SEMA3D: variants seen among roughly 807,000 people sequenced by gnomAD.
The protein encoded by SEMA3D is semaphorin 3D.
A neutral mutation model predicts 100.1 loss-of-function variants in SEMA3D; 84 were observed. The ratio of observed to expected loss-of-function variants is 0.84; its 90% CI spans 0.70 to 1.01. The LOEUF (loss-of-function observed/expected upper bound fraction) is 1.01, where lower values mean the gene tolerates loss of function less well. Ranked by LOEUF, SEMA3D falls within the 50% of genes least tolerant of loss-of-function variation. SEMA3D has a pLI of 0.00. For missense variants in SEMA3D, 875 were observed against 934.1 expected (o/e 0.94, Z 0.82); for synonymous variants, 312 against 320.7 (o/e 0.97, Z 0.29).
Position 84,999,518 on chromosome 7 carries a change from G to T in SEMA3D, c.2256C>A (p.His752Gln). The T allele has an allele frequency of 1.2e-6, 2 of 1,614,054 alleles. No homozygotes were observed. The highest frequency in any genetic ancestry group is 1.7e-6 in the Non-Finnish European group (2 of 1,180,018). ...TTCGTTTCTTCTTCATTTCCTGCATGTGCTTCCACTTTGGGCCCCCCTTGT... is the reference window on the plus strand; with the variant it reads ...TTCGTTTCTTCTTCATTTCCTGCATTTGCTTCCACTTTGGGCCCCCCTTGT... The part of the protein sequence containing the change: ...QRNKGGPKWK[H>Q]MQEMKKKRNR... The change falls in exon 19 of 19, where the codon CAC becomes CAA. Residue 752 changes from histidine to glutamine, a missense_variant. By Grantham distance (24) the His-to-Gln change is conservative. Transcript: ENST00000284136.
upstream of SEMA3D, among the ~76,000 whole-genome samples, chr7:85,187,069 C>T (rs1280826952): frequency 1.3e-5 from 2 of 152,116 alleles, no homozygotes; most frequent in African/African-American, 2.4e-5. Context: ...AAAGAGGATG[C>T]TGAAAACGCC....
chr7:85,235,835 A>C, the SEMA3D span, among the ~76,000 whole-genome samples: 1 of 152,182 alleles, frequency 6.6e-6, no homozygotes, highest in Non-Finnish European at 1.5e-5. Context: ...GAGTGAAGCC[A>C]GTCTTAGGAG....
intron 2 of SEMA3D, chr7:85,142,978 C>T: frequency 2.0e-6 from 2 of 984,308 alleles, no homozygotes; most frequent in Non-Finnish European, 2.4e-6. Context: ...GCAATTCTAC[C>T]TTAGACAACT....
intron 6 of SEMA3D, 48 bp downstream of exon 6, chr7:85,072,914 T>A (rs1450886194): frequency 6.9e-7 from 1 of 1,446,438 alleles, no homozygotes; most frequent in African/African-American, 1.4e-5. Flanking sequence ...AATTAAGTAG[T>A]AATGTATTAC....
chr7:85,137,182 G>T (rs1789891660), intron 2 of SEMA3D, among the ~76,000 whole-genome samples: 1 of 151,686 alleles, frequency 6.6e-6, no homozygotes, highest in Non-Finnish European at 1.5e-5. Flanking sequence ...TCTGATTTCA[G>T]ATATTATAAT....
At position 85,159,975 on chromosome 7, in the gene SEMA3D, C is replaced by A. The variant is rs1790701490; in HGVS notation, c.-172-6236G>T. On this transcript the variant is annotated intron_variant, in intron 1 of 18. Coordinates refer to ENST00000284136, the MANE Select transcript of SEMA3D (RefSeq NM_001384900.1). ...AGCCATAAGTTCTACGGTAACTACT[C>A]CAGAGGTATCATATCTACCACATCT... 4.1e-6 allele frequency: 4 copies of A among 984,098 alleles called. No homozygotes were observed. The South Asian group carries it at 1.4e-4, about 35-fold the overall frequency. 61.0% of individuals were successfully genotyped at this position (984,098 alleles called of 1,614,324 possible). A position where few individuals can be genotyped will look rare whatever the true frequency, so the allele number is the denominator to read the frequency against.
intron 18 of SEMA3D, among the ~76,000 whole-genome samples, chr7:85,003,165 T>G (rs1452523005): frequency 6.6e-6 from 1 of 152,040 alleles, no homozygotes; most frequent in East Asian, 1.9e-4. Context: ...GAAAGGAAAA[T>G]GAACTGGAAT....
At chr7:85,241,467 GTATATATA>G in the SEMA3D span, among the ~76,000 whole-genome samples, 9 of 91,978 alleles carry the variant, frequency 9.8e-5, 1 homozygote, top group East Asian at 3.2e-3. Flanking sequence ...CTGTGTGTGT[GTATATATA>G]TATATATATA....
rs764190450 is a variant in SEMA3D at position 85,022,618 on chromosome 7, A to C, written c.1192-5T>G. 2 of 1,591,842 alleles carry C rather than the reference A, an allele frequency of 1.3e-6. No homozygotes were observed. Among genetic ancestry groups the C allele is most frequent in the Non-Finnish European group, 1.7e-6 (2 of 1,160,260 alleles). On this transcript the variant is annotated splice_region_variant and splice_polypyrimidine_tract_variant and intron_variant, in intron 12 of 18. Transcript: ENST00000284136. Reference sequence around the variant, plus strand: ...GTCATAGGTTTTGCTTGGACACTGAAAATAAATGTGGAGGAAAGTAAAGAC... The same window carrying C: ...GTCATAGGTTTTGCTTGGACACTGACAATAAATGTGGAGGAAAGTAAAGAC...
At chr7:85,029,523 G>T in intron 12 of SEMA3D, 1 of 604,308 alleles carries the variant, frequency 1.7e-6, no homozygotes, top group African/African-American at 1.8e-5. Context: ...CTGCAGAGAA[G>T]GAAGAATTTG....
At chr7:85,244,713 T>G in the SEMA3D span, among the ~76,000 whole-genome samples, 1 of 146,006 alleles carries the variant, frequency 6.8e-6, no homozygotes, top group Non-Finnish European at 1.5e-5. Flanking sequence ...ACAATCTTTT[T>G]TTTTTTTTTT....
rs574354848 is a variant in SEMA3D at position 85,161,090 on chromosome 7, A to G, written c.-172-7351T>C. ...TGACCATGATTCTGGAAGACAACAC[A>G]ATCAACATAAAATAAGGAAATATCA... On this transcript the variant is annotated intron_variant, in intron 1 of 18. Coordinates refer to ENST00000284136, the MANE Select transcript of SEMA3D (RefSeq NM_001384900.1). Among the ~76,000 whole-genome samples the G allele has an allele frequency of 2.3e-4, 35 of 152,304 alleles. 1 individual carries two copies. The highest frequency in any genetic ancestry group is 8.2e-4 in the African/African-American group (34 of 41,568).
At chr7:85,169,675 G>A (rs925363798) in intron 1 of SEMA3D, among the ~76,000 whole-genome samples, 1 of 151,760 alleles carries the variant, frequency 6.6e-6, no homozygotes, top group Non-Finnish European at 1.5e-5. Flanking sequence ...AAGAAGAGCT[G>A]TGGTATCTGT....
At chr7:85,102,001 G>C (rs1788760454) in intron 3 of SEMA3D, among the ~76,000 whole-genome samples, 1 of 151,888 alleles carries the variant, frequency 6.6e-6, no homozygotes, top group Non-Finnish European at 1.5e-5. Flanking sequence ...TGTGTATTAA[G>C]TGTTGAGTAT....
chr7:85,224,205 C>T, the SEMA3D span, among the ~76,000 whole-genome samples: 103 of 152,174 alleles, frequency 6.8e-4, no homozygotes, highest in African/African-American at 2.3e-3. Context: ...TATAAAATTG[C>T]CGAATATTAG....
chr7:85,181,470 T>G (rs2116577384), intron 1 of SEMA3D, among the ~76,000 whole-genome samples: 1 of 152,246 alleles, frequency 6.6e-6, no homozygotes, highest in Admixed American at 6.5e-5. Context: ...AATTAAGTAG[T>G]ATTGATTATA....
At chr7:85,124,949 T>C (rs540540409) in intron 2 of SEMA3D, among the ~76,000 whole-genome samples, 2 of 152,258 alleles carry the variant, frequency 1.3e-5, no homozygotes, top group South Asian at 4.1e-4. Flanking sequence ...GCTTCTCCAA[T>C]CGCATTATCC....
upstream of SEMA3D, among the ~76,000 whole-genome samples, chr7:85,190,199 T>C (rs780413234): frequency 6.6e-6 from 1 of 152,110 alleles, no homozygotes; most frequent in Non-Finnish European, 1.5e-5. Context: ...ATTTGGTGAA[T>C]TTGAAAGAAA....
chr7:85,132,842 A>C (rs1416098580), intron 2 of SEMA3D, among the ~76,000 whole-genome samples: 1 of 151,962 alleles, frequency 6.6e-6, no homozygotes, highest in Non-Finnish European at 1.5e-5. Context: ...CATGCAATAT[A>C]GAAGCATAAT....
Sources: gnomAD v4.1 joint callset for allele counts (sites outside exome capture counted in the v4.1 genomes callset) on GRCh38, gnomAD v4.1.1 for gene constraint, MANE v1.5 for transcripts, NCBI Gene and HGNC (gene_info 2026-07-23, HGNC 2026-07-21) for gene names.